CPNE4: variants seen among roughly 807,000 people sequenced by gnomAD.
CPNE4 encodes copine 4.
In CPNE4, 25 loss-of-function variants were observed where a neutral mutation model predicts 67.9. The observed-to-expected ratio is 0.37, with a 90% confidence interval of 0.27 to 0.51. The LOEUF is 0.51. CPNE4 is among the 20% of genes least tolerant of loss of function. CPNE4 has a pLI of 0.93. For missense variants in CPNE4, 464 were observed against 690.8 expected, an observed-to-expected ratio of 0.67 and a Z score of 3.68; for synonymous variants, 242 against 244.9, an observed-to-expected ratio of 0.99 and a Z score of 0.11.
chr3:131,579,393 T>C (rs1361191722), intron 9 of CPNE4, among the ~76,000 whole-genome samples: 1 of 152,222 alleles, frequency 6.6e-6, no homozygotes, highest in African/African-American at 2.4e-5. Flanking sequence ...ATCGTTGTTT[T>C]CATGACTGCT....
intron 2 of CPNE4, among the ~76,000 whole-genome samples, chr3:131,806,503 T>A (rs1282776821): frequency 6.7e-6 from 1 of 148,364 alleles, no homozygotes; most frequent in East Asian, 2.0e-4. Flanking sequence ...TGAGCCGAGA[T>A]TGTGCCACTG....
At chr3:131,670,588 G>A (rs2080385662) in intron 6 of CPNE4, among the ~76,000 whole-genome samples, 1 of 152,102 alleles carries the variant, frequency 6.6e-6, no homozygotes, top group Non-Finnish European at 1.5e-5. Context: ...TGTGGTTCCT[G>A]GACCAGCAGG....
intron 1 of CPNE4, among the ~76,000 whole-genome samples, chr3:132,033,480 C>T (rs1217450711): frequency 2.0e-5 from 3 of 152,068 alleles, no homozygotes; most frequent in Non-Finnish European, 4.4e-5. Flanking sequence ...AGAGCACTCT[C>T]GCTTCCCTAG....
intron 15 of CPNE4, among the ~76,000 whole-genome samples, chr3:131,541,756 C>T (rs1026590360): frequency 6.6e-6 from 1 of 151,036 alleles, no homozygotes; most frequent in African/African-American, 2.4e-5. Flanking sequence ...CTGCAACCTC[C>T]ACCTCCCTGA....
At chr3:131,912,188 A>G (rs1202486506) in intron 1 of CPNE4, among the ~76,000 whole-genome samples, 1 of 152,168 alleles carries the variant, frequency 6.6e-6, no homozygotes, top group African/African-American at 2.4e-5. Context: ...TTGTCCTTTC[A>G]CTGAGATAAT....
At chr3:131,691,606 A>T (rs992676154) in intron 5 of CPNE4, among the ~76,000 whole-genome samples, 2 of 152,134 alleles carry the variant, frequency 1.3e-5, no homozygotes, top group African/African-American at 4.8e-5. Context: ...TGCTTACTAC[A>T]TGGGTAATGA....
At chr3:131,886,041 C>T (rs2087873005) in intron 2 of CPNE4, among the ~76,000 whole-genome samples, 1 of 152,194 alleles carries the variant, frequency 6.6e-6, no homozygotes, top group Admixed American at 6.5e-5. Context: ...ATCCCCAAGA[C>T]AGTGGCAAAA....
chr3:131,853,242 T>G (rs1270247121), intron 2 of CPNE4, among the ~76,000 whole-genome samples: 1 of 151,842 alleles, frequency 6.6e-6, no homozygotes, highest in African/African-American at 2.4e-5. Flanking sequence ...TGGAAAAGGA[T>G]GGAGTTTAGA....
chr3:131,919,165 A>C (rs1412225973), intron 1 of CPNE4, among the ~76,000 whole-genome samples: 1 of 152,196 alleles, frequency 6.6e-6, no homozygotes, highest in Admixed American at 6.6e-5. Flanking sequence ...TAGTCAACTG[A>C]GAAGTAGCAA....
chr3:131,643,442 T>G (rs1463056562), intron 7 of CPNE4, among the ~76,000 whole-genome samples: 1 of 152,238 alleles, frequency 6.6e-6, no homozygotes, highest in African/African-American at 2.4e-5. Flanking sequence ...GTACCCTCAT[T>G]GCATCTAGGA....
intron 7 of CPNE4, among the ~76,000 whole-genome samples, chr3:131,639,340 A>G (rs2079478845): frequency 6.6e-6 from 1 of 152,168 alleles, no homozygotes; most frequent in Admixed American, 6.5e-5. Flanking sequence ...GTTACAACTG[A>G]TACCACAGAA....
intron 3 of CPNE4, among the ~76,000 whole-genome samples, chr3:131,717,852 C>T (rs2081740980): frequency 6.4e-5 from 1 of 15,556 alleles, no homozygotes; most frequent in Non-Finnish European, 1.9e-4. Context: ...CTTCCTTCCT[C>T]GCTCCCTCCT....
At chr3:131,583,469 G>C (rs981102683) in intron 8 of CPNE4, among the ~76,000 whole-genome samples, 1 of 152,158 alleles carries the variant, frequency 6.6e-6, no homozygotes, top group Non-Finnish European at 1.5e-5. Context: ...ACTAAAATTA[G>C]CTGTGCCATT....
intron 6 of CPNE4, among the ~76,000 whole-genome samples, chr3:131,673,651 T>A (rs1233364431): frequency 3.3e-5 from 5 of 152,118 alleles, no homozygotes; most frequent in African/African-American, 1.2e-4. Context: ...ATGCCACTGA[T>A]TTTTTATGTT....
intron 2 of CPNE4, among the ~76,000 whole-genome samples, chr3:131,789,714 A>C (rs568414048): frequency 6.6e-6 from 1 of 152,290 alleles, no homozygotes; most frequent in East Asian, 1.9e-4. Context: ...AGTGCCTACT[A>C]GGCTAAGTCC....
chr3:131,711,174 G>A (rs764602956), intron 3 of CPNE4, among the ~76,000 whole-genome samples: 2 of 152,168 alleles, frequency 1.3e-5, no homozygotes, highest in Non-Finnish European at 1.5e-5. Context: ...TGAGTCATAG[G>A]TTACCCTATC....
At chr3:131,750,318 T>TATCGTACA (rs2082594034) in intron 2 of CPNE4, among the ~76,000 whole-genome samples, 1 of 152,192 alleles carries the variant, frequency 6.6e-6, no homozygotes, top group Non-Finnish European at 1.5e-5. Flanking sequence ...TTAAATCTGT[T>TATCGTACA]GTAATTATCG....
chr3:131,817,384 G>A (rs1295728815), intron 2 of CPNE4, among the ~76,000 whole-genome samples: 4 of 152,124 alleles, frequency 2.6e-5, no homozygotes, highest in East Asian at 1.9e-4. Flanking sequence ...GCCCTAAAGC[G>A]GAATATATCT....
At chr3:131,655,652 G>T (rs999625367) in intron 7 of CPNE4, among the ~76,000 whole-genome samples, 15 of 152,054 alleles carry the variant, frequency 9.9e-5, no homozygotes, top group African/African-American at 3.6e-4. Context: ...ACCGACGTCG[G>T]GGGGCAGGGG....
Sources: allele counts gnomAD v4.1 joint callset (sites outside exome capture counted in the v4.1 genomes callset), GRCh38; gene constraint gnomAD v4.1.1; transcripts MANE v1.5; gene names NCBI Gene and HGNC (gene_info 2026-07-23, HGNC 2026-07-21).